The following MAGI2 variants were observed in gnomAD, a reference collection of about 807,000 sequenced individuals.
MAGI2 encodes the protein membrane associated guanylate kinase, WW and PDZ domain containing 2.
A neutral mutation model predicts 133.3 loss-of-function variants in MAGI2; 35 were observed. That is an observed-to-expected ratio of 0.26 (90% CI 0.20 to 0.35). The LOEUF (loss-of-function observed/expected upper bound fraction) is 0.35. Among genes scored for constraint, MAGI2 ranks in the 10% least tolerant of loss-of-function variants. The probability of loss-of-function intolerance (pLI) is 1.00; values close to 1 mark genes in which losing one functional copy is unlikely to be tolerated. For synonymous variants in MAGI2, 729 were observed against 710.6 expected, an observed-to-expected ratio of 1.03 and a Z score of -0.41; for missense variants, 1,636 against 1,863.4, an observed-to-expected ratio of 0.88 and a Z score of 2.25.
chr7:78,721,641 A>G (rs1820278731), intron 2 of MAGI2, among the ~76,000 whole-genome samples: 1 of 151,964 alleles, frequency 6.6e-6, no homozygotes, highest in African/African-American at 2.4e-5. Context: ...ATTGTGAGAA[A>G]TCTGCAAAGA....
chr7:78,679,180 T>C (rs1157822562), intron 2 of MAGI2, among the ~76,000 whole-genome samples: 6 of 152,130 alleles, frequency 3.9e-5, no homozygotes, highest in African/African-American at 1.4e-4. Context: ...CACCCTTTCC[T>C]TTCACTCTTT....
intron 10 of MAGI2, among the ~76,000 whole-genome samples, chr7:78,239,868 G>C (rs2150903004): frequency 6.6e-6 from 1 of 152,312 alleles, no homozygotes; most frequent in South Asian, 2.1e-4. Flanking sequence ...AAATATCAAA[G>C]ATAGATCTAT....
chr7:78,575,073 C>T (rs900603547), intron 3 of MAGI2, among the ~76,000 whole-genome samples: 1 of 152,012 alleles, frequency 6.6e-6, no homozygotes, highest in Non-Finnish European at 1.5e-5. Flanking sequence ...AACTGATTGC[C>T]CACTGGGTCC....
intron 2 of MAGI2, among the ~76,000 whole-genome samples, chr7:78,668,203 G>A (rs1393026975): frequency 6.6e-6 from 1 of 152,142 alleles, no homozygotes; most frequent in Non-Finnish European, 1.5e-5. Flanking sequence ...TTTGAGAAGT[G>A]TCTGTTCATG....
intron 6 of MAGI2, among the ~76,000 whole-genome samples, chr7:78,474,404 G>A (rs1791535527): frequency 6.6e-6 from 1 of 151,948 alleles, no homozygotes; most frequent in Non-Finnish European, 1.5e-5. Context: ...CAAACTGGTT[G>A]GGAAAGGTAA....
At chr7:78,112,467 C>T (rs903282598) in intron 20 of MAGI2, among the ~76,000 whole-genome samples, 3 of 152,060 alleles carry the variant, frequency 2.0e-5, no homozygotes, top group African/African-American at 4.8e-5. Flanking sequence ...TGAACAGGGA[C>T]GATGTATTTA....
At chr7:79,294,534 T>A (rs977515323) in intron 1 of MAGI2, among the ~76,000 whole-genome samples, 18 of 152,064 alleles carry the variant, frequency 1.2e-4, no homozygotes, top group Non-Finnish European at 2.5e-4. Flanking sequence ...TGTCAGAGAT[T>A]CTCCAGAGAG....
At chr7:78,211,257 G>GA (rs1217714810) in intron 10 of MAGI2, among the ~76,000 whole-genome samples, 2 of 152,124 alleles carry the variant, frequency 1.3e-5, no homozygotes, top group African/African-American at 4.8e-5. Context: ...CATGGGGAGG[G>GA]ATGGGACTAG....
chr7:79,447,818 C>T (rs544350938), intron 1 of MAGI2, among the ~76,000 whole-genome samples: 1 of 151,690 alleles, frequency 6.6e-6, no homozygotes, highest in Non-Finnish European at 1.5e-5. Flanking sequence ...CTCACAAATG[C>T]AAAGTATTAT....
At position 78,135,022 on chromosome 7, in the gene MAGI2, C is replaced by T. The variant is rs1821966043; in HGVS notation, c.3030G>A (p.Glu1010=). 1 of 1,613,662 alleles carries T rather than the reference C, an allele frequency of 6.2e-7. No homozygotes were observed. The highest frequency in any genetic ancestry group is 2.2e-5 in the East Asian group (1 of 44,876). ...LSVTLRIIPQ[E]ELNSPTSAPS... ...TGCAAGGCTGCCTCAGGCACTCACC[C>T]TCCTGAGGAATGATGCGAAGGGTGA... Residue 1010 remains glutamate, a splice_region_variant and synonymous_variant, in exon 17 of 22, where the codon GAG becomes GAA. Transcript: ENST00000354212.
chr7:78,930,890 G>GT (rs1800058398), intron 2 of MAGI2, among the ~76,000 whole-genome samples: 1 of 152,098 alleles, frequency 6.6e-6, no homozygotes, highest in Non-Finnish European at 1.5e-5. Flanking sequence ...TAACTGAGCA[G>GT]TTAGTACGGA....
At chr7:78,180,119 T>C (rs543120975) in intron 13 of MAGI2, among the ~76,000 whole-genome samples, 7 of 152,220 alleles carry the variant, frequency 4.6e-5, no homozygotes, top group Non-Finnish European at 8.8e-5. Context: ...GGAGGAACTC[T>C]AGACCACATA....
chr7:79,214,405 C>CTA (rs1563003417), intron 1 of MAGI2, among the ~76,000 whole-genome samples: 19 of 30,512 alleles, frequency 6.2e-4, no homozygotes, highest in South Asian at 1.7e-3. Flanking sequence ...CTCTCTCTCT[C>CTA]TCTATATATA....
intron 1 of MAGI2, among the ~76,000 whole-genome samples, chr7:79,421,135 G>A (rs1379754731): frequency 3.9e-5 from 6 of 151,948 alleles, no homozygotes; most frequent in African/African-American, 9.7e-5. Context: ...TACAAAAGAA[G>A]TAAATGTCAC....
At chr7:79,220,224 C>T (rs1042933215) in intron 1 of MAGI2, among the ~76,000 whole-genome samples, 2 of 151,918 alleles carry the variant, frequency 1.3e-5, no homozygotes, top group African/African-American at 2.4e-5. Context: ...GCAGGGGAAG[C>T]AGGGAGGTGG....
intron 1 of MAGI2, among the ~76,000 whole-genome samples, chr7:79,191,402 CTTTTTTTTTTTTT>C (rs71095386): frequency 3.1e-4 from 7 of 22,332 alleles, no homozygotes; most frequent in African/African-American, 7.9e-4. Context: ...CTTTTTCTTT[CTTTTTTTTTTTTT>C]TTTTTTTTTT....
intron 6 of MAGI2, among the ~76,000 whole-genome samples, chr7:78,378,075 G>T (rs1794609281): frequency 6.6e-6 from 1 of 151,920 alleles, no homozygotes. Context: ...GATAGTAAAA[G>T]ATAGTTGACA....
At chr7:78,699,051 C>T (rs11770561) in intron 2 of MAGI2, among the ~76,000 whole-genome samples, 7,599 of 152,288 alleles carry the variant, frequency 0.05, 277 homozygotes, top group Non-Finnish European at 0.077. Context: ...CACAGATTGT[C>T]CACGTGGGTG....
intron 1 of MAGI2, among the ~76,000 whole-genome samples, chr7:79,172,668 C>G (rs1209029003): frequency 6.6e-6 from 1 of 151,924 alleles, no homozygotes; most frequent in Non-Finnish European, 1.5e-5. Context: ...ATTTATGTAA[C>G]ATATTAAAGA....
Sources: allele counts gnomAD v4.1 joint callset (sites outside exome capture counted in the v4.1 genomes callset), GRCh38; gene constraint gnomAD v4.1.1; transcripts MANE v1.5; gene names NCBI Gene and HGNC (gene_info 2026-07-23, HGNC 2026-07-21).